The following DAAM1 variants were observed in gnomAD, a reference collection of about 807,000 sequenced individuals.
DAAM1 encodes the protein dishevelled associated activator of morphogenesis 1, also known as disheveled-associated activator of morphogenesis 1.
In DAAM1, 52 loss-of-function variants were observed where a neutral mutation model predicts 130.0. The observed-to-expected ratio is 0.40, with a 90% CI of 0.32 to 0.50. The LOEUF is 0.50. Ranked by LOEUF, DAAM1 falls within the 20% of genes least tolerant of loss-of-function variation. The probability of loss-of-function intolerance (pLI) is 0.61; values close to 1 mark genes in which losing one functional copy is unlikely to be tolerated. For missense variants in DAAM1, 1,134 were observed against 1,303.8 expected, an observed-to-expected ratio of 0.87 and a Z score of 2.01; for synonymous variants, 452 against 444.5, an observed-to-expected ratio of 1.02 and a Z score of -0.21.
intron 1 of DAAM1, among the ~76,000 whole-genome samples, chr14:59,231,401 G>A (rs899175051): frequency 7.9e-5 from 12 of 152,222 alleles, no homozygotes; most frequent in Non-Finnish European, 1.8e-4. Flanking sequence ...TACCCTTGAA[G>A]TTAAGAAAGG....
At chr14:59,257,257 C>T (rs1181023072) in intron 1 of DAAM1, among the ~76,000 whole-genome samples, 1 of 151,958 alleles carries the variant, frequency 6.6e-6, no homozygotes, top group Non-Finnish European at 1.5e-5. Context: ...CATCTGTTCA[C>T]TTAGGAATTT....
intron 2 of DAAM1, among the ~76,000 whole-genome samples, chr14:59,275,477 G>C (rs982869086): frequency 2.0e-5 from 3 of 152,124 alleles, no homozygotes; most frequent in African/African-American, 7.2e-5. Flanking sequence ...AACTGAAGTT[G>C]TACTAGATTA....
At chr14:59,221,530 G>A (rs1194358559) in intron 1 of DAAM1, among the ~76,000 whole-genome samples, 1 of 152,124 alleles carries the variant, frequency 6.6e-6, no homozygotes, top group African/African-American at 2.4e-5. Context: ...ATTTCTGAAG[G>A]GTCTGGATCA....
intron 1 of DAAM1, among the ~76,000 whole-genome samples, chr14:59,242,454 G>A (rs1881170872): frequency 6.6e-6 from 1 of 152,122 alleles, no homozygotes; most frequent in Non-Finnish European, 1.5e-5. Flanking sequence ...TCCATCCCCT[G>A]GACAGTGACT....
At chr14:59,195,257 C>T (rs545822260) in intron 1 of DAAM1, among the ~76,000 whole-genome samples, 1 of 151,592 alleles carries the variant, frequency 6.6e-6, no homozygotes, top group South Asian at 2.1e-4. Flanking sequence ...CATTCTCCTG[C>T]CTCAGCCTCC....
At chr14:59,310,231 T>A (rs1324218981) in intron 3 of DAAM1, among the ~76,000 whole-genome samples, 1 of 151,774 alleles carries the variant, frequency 6.6e-6, no homozygotes, top group African/African-American at 2.4e-5. Flanking sequence ...CGCCTTAGCC[T>A]CCTGAGTAGC....
At position 59,369,005 on chromosome 14, in the gene DAAM1, ATG is replaced by A. The variant is rs1311592002; in HGVS notation, c.*152_*153del. 3.0e-6 allele frequency: 2 copies of A among 658,178 alleles called. No homozygotes were observed. The highest frequency in any genetic ancestry group is 1.8e-5 in the African/African-American group (1 of 54,772). The allele number at this position is 658,178 out of a possible 1,614,324, so 40.8% of individuals were successfully genotyped here. ...TGTGTGAACGTGTGTATGTAAATGT[ATG>A]TGTGTATATATTAAAAAATGTATAT... On this transcript the variant is annotated 3_prime_UTR_variant, in exon 25 of 25. Transcript: ENST00000360909.
intron 14 of DAAM1, 134 bp downstream of exon 14, chr14:59,331,642 A>T (rs1885446414): frequency 1.3e-6 from 2 of 1,502,952 alleles, no homozygotes; most frequent in African/African-American, 2.8e-5. Context: ...TCACTAGCTC[A>T]GATATTTAAG....
intron 1 of DAAM1, among the ~76,000 whole-genome samples, chr14:59,212,942 T>C (rs1366914171): frequency 1.3e-5 from 2 of 152,170 alleles, no homozygotes; most frequent in Non-Finnish European, 2.9e-5. Flanking sequence ...AGCATATAAA[T>C]TCATTGGAAA....
At chr14:59,219,500 A>G (rs1219985393) in intron 1 of DAAM1, among the ~76,000 whole-genome samples, 1 of 152,072 alleles carries the variant, frequency 6.6e-6, no homozygotes, top group African/African-American at 2.4e-5. Context: ...TGGCTTATAC[A>G]TTCTTTCCTT....
At chr14:59,305,032 G>A (rs1231100827) in intron 3 of DAAM1, among the ~76,000 whole-genome samples, 1 of 152,200 alleles carries the variant, frequency 6.6e-6, no homozygotes, top group African/African-American at 2.4e-5. Context: ...ATTCTGAAAG[G>A]TGGGTCTGGT....
At chr14:59,298,117 A>G (rs1884029763) in intron 3 of DAAM1, among the ~76,000 whole-genome samples, 1 of 152,196 alleles carries the variant, frequency 6.6e-6, no homozygotes. Flanking sequence ...TTAAAAATTC[A>G]TGCAATGTAT....
chr14:59,291,831 T>C (rs1446617205), intron 3 of DAAM1, among the ~76,000 whole-genome samples: 1 of 152,154 alleles, frequency 6.6e-6, no homozygotes, highest in Non-Finnish European at 1.5e-5. Context: ...TGGCTGACTC[T>C]CTCTCGTATC....
intron 1 of DAAM1, among the ~76,000 whole-genome samples, chr14:59,256,924 A>C (rs1881917529): frequency 6.6e-6 from 1 of 152,246 alleles, no homozygotes; most frequent in Non-Finnish European, 1.5e-5. Flanking sequence ...ATGTTGACTG[A>C]ATATAAGATA....
chr14:59,284,868 C>A (rs1276903754), intron 2 of DAAM1, among the ~76,000 whole-genome samples: 2 of 152,120 alleles, frequency 1.3e-5, no homozygotes, highest in African/African-American at 2.4e-5. Flanking sequence ...AGAGATCAAG[C>A]AACTTGGAAA....
intron 1 of DAAM1, among the ~76,000 whole-genome samples, chr14:59,225,261 T>C (rs1258448352): frequency 3.3e-5 from 5 of 151,976 alleles, no homozygotes; most frequent in Non-Finnish European, 7.4e-5. Flanking sequence ...CTCTTGACCT[T>C]GTGATCTGCC....
intron 2 of DAAM1, among the ~76,000 whole-genome samples, chr14:59,274,922 T>C (rs1462518077): frequency 6.6e-6 from 1 of 152,234 alleles, no homozygotes; most frequent in Non-Finnish European, 1.5e-5. Flanking sequence ...TCTTTCTCTT[T>C]AAAAGTCTCT....
At chr14:59,293,002 T>C (rs1883809320) in intron 3 of DAAM1, among the ~76,000 whole-genome samples, 1 of 152,198 alleles carries the variant, frequency 6.6e-6, no homozygotes, top group Non-Finnish European at 1.5e-5. Context: ...AAACTGGTAT[T>C]ATATAGCCTT....
intron 1 of DAAM1, among the ~76,000 whole-genome samples, chr14:59,257,657 T>C (rs1254369032): frequency 6.6e-6 from 1 of 152,150 alleles, no homozygotes; most frequent in Non-Finnish European, 1.5e-5. Flanking sequence ...GAAAATAAAG[T>C]TGGCAAGGGT....
Sources: gnomAD v4.1 joint callset for allele counts (sites outside exome capture counted in the v4.1 genomes callset) on GRCh38, gnomAD v4.1.1 for gene constraint, MANE v1.5 for transcripts, NCBI Gene and HGNC (gene_info 2026-07-23, HGNC 2026-07-21) for gene names.